The following PUM2 variants were observed in gnomAD, a reference collection of about 807,000 sequenced individuals.
PUM2 encodes the protein pumilio RNA binding family member 2.
PUM2 carries 57 observed loss-of-function variants against 124.5 expected under a neutral mutation model. The ratio of observed to expected loss-of-function variants is 0.46; its 90% CI spans 0.37 to 0.57. The LOEUF is 0.57. PUM2 is among the 20% of genes least tolerant of loss of function. PUM2 has a pLI of 0.00. For synonymous variants in PUM2, 460 were observed against 446.1 expected, an observed-to-expected ratio of 1.03 and a Z score of -0.39; for missense variants, 1,065 against 1,290.6, an observed-to-expected ratio of 0.83 and a Z score of 2.68.
rs185922415 is a variant in PUM2, at chr2:20,337,128, G to T, written c.-18-9750C>A. ...TTTATGACATAAAATTTTGAAGCGG[G>T]GGAAGCAGATTACACAGACTGTGGT... is the stretch of plus-strand genomic sequence containing the variant. On this transcript the variant is annotated intron_variant, in intron 1 of 20. Transcript: ENST00000361078. Among the ~76,000 whole-genome samples the T allele has an allele frequency of 6.6e-5, 10 of 151,964 alleles. 1 individual carries two copies. The highest frequency in any genetic ancestry group is 5.9e-4 in the Admixed American group (9 of 15,280).
chr2:20,346,936 GTCAA>G (rs1354285816), intron 1 of PUM2, among the ~76,000 whole-genome samples: 5 of 152,118 alleles, frequency 3.3e-5, no homozygotes, highest in African/African-American at 1.2e-4. Context: ...CCCATTTGCA[GTCAA>G]TCAAACCATC....
chr2:20,336,787 TGTGTGTGTGTGTGTGG>T (rs1686203846), intron 1 of PUM2, among the ~76,000 whole-genome samples: 2 of 137,594 alleles, frequency 1.5e-5, no homozygotes, highest in Admixed American at 7.5e-5. Flanking sequence ...TGTGTGTGTG[TGTGTGTGTGTGTGTGG>T]TACAGACGGG....
At chr2:20,294,908 G>A (rs749454641) in intron 8 of PUM2, among the ~76,000 whole-genome samples, 7 of 152,140 alleles carry the variant, frequency 4.6e-5, no homozygotes, top group Non-Finnish European at 1.0e-4. Flanking sequence ...TGGATTACAA[G>A]ATACTTTTAA....
At chr2:20,331,701 A>C (rs1246367843) in intron 1 of PUM2, 4 of 152,142 alleles carry the variant, frequency 2.6e-5, no homozygotes, top group African/African-American at 4.8e-5. Context: ...AGTCAAAGTA[A>C]GCACTAGAGC....
chr2:20,316,063 G>C (rs944314916), intron 3 of PUM2, among the ~76,000 whole-genome samples: 1 of 151,916 alleles, frequency 6.6e-6, no homozygotes, highest in African/African-American at 2.4e-5. Flanking sequence ...CCTAATATAG[G>C]TTAATTCTAA....
At chr2:20,294,633 A>G (rs2148250020) in intron 8 of PUM2, 115 bp from the exon 9 acceptor site, 1 of 1,188,704 alleles carries the variant, frequency 8.4e-7, no homozygotes, top group Non-Finnish European at 1.2e-6. Flanking sequence ...AGAGAAGAAC[A>G]TGTCTTTATA....
intron 12 of PUM2, among the ~76,000 whole-genome samples, chr2:20,282,457 AC>A (rs1671759142): frequency 6.6e-6 from 1 of 152,222 alleles, no homozygotes; most frequent in South Asian, 2.1e-4. Context: ...CAGTATTTAT[AC>A]ATACACATAT....
intron 7 of PUM2, among the ~76,000 whole-genome samples, chr2:20,300,511 C>T (rs918388012): frequency 2.0e-5 from 3 of 151,016 alleles, no homozygotes; most frequent in African/African-American, 7.3e-5. Context: ...TTGCTGGGGG[C>T]CTTAGAATTT....
In PUM2 at chr2:20,301,676, C is replaced by A. The variant is rs533791292; in HGVS notation, c.884-3998G>T. ...GATCATGGCTAATTTCAGCCTTCAC[C>A]TCCCAGGCTCAAGCGATCCTCCCAC... On this transcript the variant is annotated intron_variant, in intron 7 of 20. Transcript: ENST00000361078. Among the ~76,000 whole-genome samples the A allele has an allele frequency of 2.6e-5, 4 of 152,212 alleles. No homozygotes were observed. The South Asian group carries it at 8.3e-4, about 32-fold the overall frequency.
In PUM2 at chr2:20,263,175, A is replaced by T; in HGVS notation, c.2225+18T>A. 1 of 1,561,722 alleles carries T rather than the reference A, an allele frequency of 6.4e-7. No individual in the cohort carries two copies. The highest frequency in any genetic ancestry group is 8.8e-7 in the Non-Finnish European group (1 of 1,137,918). ...TTTTCAAAGCAAAAATGAAGTGAGA[A>T]ATATCATAATCACCTACCTAGAACC... On this transcript the variant is annotated intron_variant, in intron 14 of 20. Coordinates refer to ENST00000361078, the MANE Select transcript of PUM2 (RefSeq NM_015317.5).
chr2:20,257,043 C>CAATA (rs1664963648), intron 16 of PUM2, among the ~76,000 whole-genome samples: 1 of 71,810 alleles, frequency 1.4e-5, no homozygotes, highest in African/African-American at 6.0e-5. Flanking sequence ...GATTCCGTCT[C>CAATA]AAAAAAAAAA....
chr2:20,303,518 G>C (rs1677500867), intron 7 of PUM2, among the ~76,000 whole-genome samples: 1 of 149,516 alleles, frequency 6.7e-6, no homozygotes, highest in African/African-American at 2.5e-5. Flanking sequence ...CATTAATTTA[G>C]GGAGAACTGA....
Position 20,260,362 on chromosome 2 carries a change from T to C in PUM2, c.2330A>G (p.Asn777Ser). ...AYQLMTDVFG[N>S]YVIQKFFEFG... ...CTCAAAAAACTTCTGTATAACATAG[T>C]TGCCAAAAACATCAGTCATTAATTG... The change falls in exon 15 of 21, where the codon AAC becomes AGC. Residue 777 changes from asparagine (N) to serine (S), a missense_variant. Asn to Ser is a conservative substitution (Grantham distance 46). Coordinates refer to ENST00000361078, the MANE Select transcript of PUM2 (RefSeq NM_015317.5). 2 of 1,612,482 alleles carry C rather than the reference T, an allele frequency of 1.2e-6. No homozygotes were observed. The highest frequency in any genetic ancestry group is 1.7e-6 in the Non-Finnish European group (2 of 1,179,064).
rs780526489 is a variant in PUM2, at chr2:20,283,206, A to G, written c.1461T>C (p.Thr487=). The change falls in exon 12 of 21, where the codon ACT becomes ACC. Residue 487 remains threonine, a synonymous_variant. Coordinates refer to ENST00000361078, the MANE Select transcript of PUM2 (RefSeq NM_015317.5). ...QAAAAAAAGG[T]ASSLTGSTNG... ...TTGTGCTGCCTGTAAGGCTACTTGC[A>G]GTTCCTCCAGCTGCTGCTGCTGCTG... 1.9e-5 allele frequency: 30 copies of G among 1,613,402 alleles called. No individual in the cohort carries two copies. The East Asian group carries it at 6.5e-4, about 35-fold the overall frequency.
chr2:20,319,656 T>C (rs35376945), intron 2 of PUM2, among the ~76,000 whole-genome samples: 12 of 152,198 alleles, frequency 7.9e-5, no homozygotes, highest in South Asian at 2.1e-4. Flanking sequence ...GTGTGTGACA[T>C]AGTAAACCAT....
intron 1 of PUM2, among the ~76,000 whole-genome samples, chr2:20,328,911 C>T (rs1261002213): frequency 2.0e-5 from 3 of 152,110 alleles, no homozygotes. Flanking sequence ...GTGGCTCATG[C>T]CTATAATCCC....
At position 20,250,860 on chromosome 2, in the gene PUM2, GTATT is replaced by G. The variant is rs1663132794; in HGVS notation, c.*721_*724del. 1 of 152,500 alleles carries G rather than the reference GTATT, an allele frequency of 6.6e-6. No individual in the cohort carries two copies. The highest frequency in any genetic ancestry group is 1.5e-5 in the Non-Finnish European group (1 of 67,986). 9.4% of individuals were successfully genotyped at this position (152,500 alleles called of 1,614,324 possible). A position where few individuals can be genotyped will look rare whatever the true frequency, so the allele number is the denominator to read the frequency against. On this transcript the variant is annotated 3_prime_UTR_variant, in exon 21 of 21. Transcript: ENST00000361078. ...TAATTGGAAGTGTCACCATGATTTT[GTATT>G]TAACTCTTACAACAATTACATATGT...
chr2:20,261,110 G>T (rs1666094220), intron 14 of PUM2, among the ~76,000 whole-genome samples: 1 of 152,102 alleles, frequency 6.6e-6, no homozygotes, highest in South Asian at 2.1e-4. Flanking sequence ...GTATAGTATG[G>T]CCGGGTGCAG....
intron 7 of PUM2, among the ~76,000 whole-genome samples, chr2:20,298,160 A>G (rs1389064407): frequency 6.6e-6 from 1 of 152,244 alleles, no homozygotes; most frequent in Non-Finnish European, 1.5e-5. Flanking sequence ...AAAAACAGGT[A>G]TATTAGCAAA....
Sources: gnomAD v4.1 joint callset for allele counts (sites outside exome capture counted in the v4.1 genomes callset) on GRCh38, gnomAD v4.1.1 for gene constraint, MANE v1.5 for transcripts, NCBI Gene and HGNC (gene_info 2026-07-23, HGNC 2026-07-21) for gene names.